Variants in ATP5F1A observed in about 807,000 individuals in gnomAD.
ATP5F1A encodes the protein ATP synthase F(1) complex subunit alpha, mitochondrial.
Under a neutral mutation model 57.4 loss-of-function variants are expected in ATP5F1A, and 24 were observed. The observed-to-expected ratio is 0.42, with a 90% CI of 0.30 to 0.59. The LOEUF is 0.59. ATP5F1A is among the 20% of genes least tolerant of loss of function. The pLI is 0.19. For synonymous variants in ATP5F1A, 251 were observed against 255.5 expected, an observed-to-expected ratio of 0.98 and a Z score of 0.17; for missense variants, 494 against 707.9, an observed-to-expected ratio of 0.70 and a Z score of 3.43.
upstream of ATP5F1A, among the ~76,000 whole-genome samples, chr18:46,102,471 G>A (rs570760163): frequency 2.8e-4 from 43 of 151,990 alleles, no homozygotes; most frequent in South Asian, 2.1e-3. Context: ...TTACAGGCAC[G>A]TGCCACCATG....
In ATP5F1A at chr18:46,084,209, C is replaced by T; in HGVS notation, c.*73G>A. The T allele has an allele frequency of 7.5e-7, 1 of 1,336,738 alleles. No homozygotes were observed. Among genetic ancestry groups the T allele is most frequent in the Non-Finnish European group, 1.1e-6 (1 of 950,640 alleles). 82.8% of individuals were successfully genotyped at this position (1,336,738 alleles called of 1,614,324 possible). ...GTACATAAGGAGTATGAGAGTAACC[C>T]TTTTACAAATGGAACTAATTTACTA... On this transcript the variant is annotated 3_prime_UTR_variant, in exon 12 of 12. Transcript: ENST00000398752.
Position 46,094,961 on chromosome 18 carries a change from C to T in ATP5F1A, c.139+92G>A, listed in dbSNP as rs1049151072. ...CTATACAAACTAGAGAAAAAACTAACAAATGAAAAACAACTCACCACAGTT... is the reference window on the plus strand; with the variant it reads ...CTATACAAACTAGAGAAAAAACTAATAAATGAAAAACAACTCACCACAGTT... On this transcript the variant is annotated intron_variant, in intron 2 of 11. Transcript: ENST00000398752. 1.3e-4 allele frequency: 185 copies of T among 1,411,784 alleles called. No homozygotes were observed. The Middle Eastern group carries it at 2.4e-3, about 18-fold the overall frequency. 87.5% of individuals were successfully genotyped at this position (1,411,784 alleles called of 1,614,324 possible).
At chr18:46,092,773 T>C (rs547175199) in intron 2 of ATP5F1A, among the ~76,000 whole-genome samples, 1 of 152,090 alleles carries the variant, frequency 6.6e-6, no homozygotes, top group Non-Finnish European at 1.5e-5. Flanking sequence ...TTAAAATAAA[T>C]GTTCTCCTTT....
At position 46,104,210 on chromosome 18, in the gene ATP5F1A, C is replaced by T. The variant is rs1056589555; in HGVS notation, c.-122G>A. The T allele has an allele frequency of 1.7e-5, 7 of 417,072 alleles. No homozygotes were observed. In the Admixed American group the frequency reaches 3.1e-4, roughly 18 times the overall value. The allele number at this position is 417,072 out of a possible 1,614,324, so 25.8% of individuals were successfully genotyped here. A position where few individuals can be genotyped will look rare whatever the true frequency, so the allele number is the denominator to read the frequency against. On this transcript the variant is annotated 5_prime_UTR_variant, in exon 1 of 13. Transcript: ENST00000282050. Reference sequence around the variant, plus strand: ...GGCGGGAAGAGCTGGGAAGTGGCAACGAAGCGAGGCTTGCAATGCCAGAGC... The same window carrying T: ...GGCGGGAAGAGCTGGGAAGTGGCAATGAAGCGAGGCTTGCAATGCCAGAGC...
chr18:46,094,107 CA>C (rs148004605), intron 2 of ATP5F1A, among the ~76,000 whole-genome samples: 10,238 of 140,926 alleles, frequency 0.073, 972 homozygotes, highest in African/African-American at 0.23. Context: ...AACTCCATCT[CA>C]AAAAAAAAAG....
At chr18:46,085,866 G>A in intron 10 of ATP5F1A, 2 of 447,144 alleles carry the variant, frequency 4.5e-6, no homozygotes, top group Non-Finnish European at 7.9e-6. Flanking sequence ...CCAGGAGGTG[G>A]AGGTTGCAAT....
chr18:46,104,080 T>G (rs1315546550), intron 1 of ATP5F1A: 1 of 292,076 alleles, frequency 3.4e-6, no homozygotes, highest in Admixed American at 5.2e-5. Flanking sequence ...TCAAGTACTT[T>G]TTTTTAACGA....
rs1909699466 is a variant in ATP5F1A, at chr18:46,080,835, T to C, written c.*3447A>G. 1 of 151,764 alleles carries C rather than the reference T, an allele frequency of 6.6e-6. No homozygotes were observed. The highest frequency in any genetic ancestry group is 2.4e-5 in the African/African-American group (1 of 41,370). The allele number at this position is 151,764 out of a possible 1,614,324, so 9.4% of individuals were successfully genotyped here. ...TAAAAATCACATTTTTAAATATCAC[T>C]GTGCCTGGCGTGGGCCAGGCACAGT... On this transcript the variant is annotated 3_prime_UTR_variant, in exon 12 of 12. Coordinates refer to ENST00000398752, the MANE Select transcript of ATP5F1A (RefSeq NM_004046.6).
In ATP5F1A at chr18:46,104,182, G is replaced by A. The variant is rs573686998; in HGVS notation, c.-94C>T. 7.4e-6 allele frequency: 3 copies of A among 404,124 alleles called. No homozygotes were observed. The Admixed American group carries it at 1.3e-4, about 18-fold the overall frequency. 25.0% of individuals were successfully genotyped at this position (404,124 alleles called of 1,614,324 possible). ...CTCTCGTAGTGTTGATTATACCGCGGAAGGCGGGAAGAGCTGGGAAGTGGC... is the reference window on the plus strand; with the variant it reads ...CTCTCGTAGTGTTGATTATACCGCGAAAGGCGGGAAGAGCTGGGAAGTGGC... On this transcript the variant is annotated 5_prime_UTR_variant, in exon 1 of 13. Transcript: ENST00000282050.
At chr18:46,084,788 T>C in intron 10 of ATP5F1A, 134 bp from the exon 11 acceptor site, 1 of 946,692 alleles carries the variant, frequency 1.1e-6, no homozygotes, top group South Asian at 2.1e-5. Context: ...ACAATATCAA[T>C]GACCTAGAAC....
At chr18:46,092,005 C>G in intron 2 of ATP5F1A, 154 bp from the exon 3 acceptor site, 1 of 544,124 alleles carries the variant, frequency 1.8e-6, no homozygotes, top group East Asian at 3.6e-5. Context: ...AACCCTGTCT[C>G]TACTAAAAAT....
upstream of ATP5F1A, among the ~76,000 whole-genome samples, chr18:46,102,602 G>A (rs1911308724): frequency 6.6e-6 from 1 of 152,092 alleles, no homozygotes; most frequent in South Asian, 2.1e-4. Flanking sequence ...GAGAATATAG[G>A]TGTGAGGCAC....
intron 1 of ATP5F1A, among the ~76,000 whole-genome samples, chr18:46,103,547 G>A (rs1911351867): frequency 6.9e-6 from 1 of 145,624 alleles, no homozygotes; most frequent in Non-Finnish European, 1.5e-5. Flanking sequence ...GTGGCAGTGA[G>A]CTGAGAGCCG....
At chr18:46,085,909 G>A (rs1910052490) in intron 10 of ATP5F1A, 2 of 615,286 alleles carry the variant, frequency 3.3e-6, no homozygotes, top group Non-Finnish European at 2.7e-6. Context: ...CTTCAGCCTA[G>A]GCCGTAAGAA....
In ATP5F1A at chr18:46,087,453, G is replaced by A. The variant is rs753952939; in HGVS notation, c.839C>T (p.Ser280Leu). 6 of 1,614,094 alleles carry A rather than the reference G, an allele frequency of 3.7e-6. No homozygotes were observed. Among genetic ancestry groups the A allele is most frequent in the East Asian group, 2.2e-5 (1 of 44,904 alleles). ...CAGGTACTGAAGTGGGGCAGCATCCGAGGCCGTAGCCGACACCACAATGGT... is the reference window on the plus strand; with the variant it reads ...CAGGTACTGAAGTGGGGCAGCATCCAAGGCCGTAGCCGACACCACAATGGT... ...KYTIVVSATA[S>L]DAAPLQYLAP... The change falls in exon 7 of 12, where the codon TCG becomes TTG. Residue 280 changes from serine to leucine, a missense_variant. Around this residue, in one of 6 missense-constraint regions of ATP5F1A, gnomAD observed 191 missense variants for 267.7 expected, o/e 0.71. Transcript: ENST00000398752.
At chr18:46,091,404 G>C (rs1375186446) in intron 3 of ATP5F1A, among the ~76,000 whole-genome samples, 1 of 152,190 alleles carries the variant, frequency 6.6e-6, no homozygotes, top group Non-Finnish European at 1.5e-5. Flanking sequence ...AGACAGAACA[G>C]ACTTAAACTT....
chr18:46,091,695 G>A lies in ATP5F1A; in HGVS notation c.296C>T (p.Ser99Phe). The A allele has an allele frequency of 6.2e-7, 1 of 1,600,562 alleles. No homozygotes were observed. The highest frequency in any genetic ancestry group is 8.5e-7 in the Non-Finnish European group (1 of 1,175,044). The change falls in exon 3 of 12, where the codon TCT becomes TTT. Residue 99 changes from serine (S) to phenylalanine (F), a missense_variant. By Grantham distance (155) the Ser-to-Phe change is radical (BLOSUM62 -2). Around this residue, in one of 6 missense-constraint regions of ATP5F1A, gnomAD observed 142 missense variants for 137.5 expected, o/e 1.03. Coordinates refer to ENST00000398752, the MANE Select transcript of ATP5F1A (RefSeq NM_004046.6). Reference protein sequence around the residue: ...NVQAEEMVEFSSGLKGMSLNL... With the variant: ...NVQAEEMVEFFSGLKGMSLNL... ...TTTATAATTTACCTTTAAGCCTGAA[G>A]AAAACTCTACCATTTCTTCTGCTTG...
upstream of ATP5F1A, among the ~76,000 whole-genome samples, chr18:46,103,117 C>T (rs542409356): frequency 1.8e-4 from 28 of 151,962 alleles, no homozygotes; most frequent in Middle Eastern, 3.4e-3. Flanking sequence ...GCCTGATCAA[C>T]GTGGTGAAAC....
intron 2 of ATP5F1A, 64 bp from the exon 3 acceptor site, chr18:46,091,915 G>A: frequency 2.0e-6 from 3 of 1,505,088 alleles, no homozygotes; most frequent in South Asian, 1.3e-5. Flanking sequence ...GCTCACAGCT[G>A]TAATCCCAGC....
Sources: allele counts gnomAD v4.1 joint callset (sites outside exome capture counted in the v4.1 genomes callset), GRCh38; gene constraint gnomAD v4.1.1; regional missense constraint gnomAD v4.1.1; transcripts MANE v1.5; gene names NCBI Gene and HGNC (gene_info 2026-07-23, HGNC 2026-07-21).